Variants in ITM2C observed in about 807,000 individuals in gnomAD.
The protein encoded by ITM2C is integral membrane protein 2C.
In ITM2C, 20 loss-of-function variants were observed where a neutral mutation model predicts 30.0. The observed-to-expected ratio is 0.67, with a 90% CI of 0.47 to 0.97. ITM2C has a LOEUF of 0.97. Ranked by LOEUF, ITM2C falls within the 50% of genes least tolerant of loss-of-function variation. The probability of loss-of-function intolerance (pLI) is 0.00; values close to 1 mark genes in which losing one functional copy is unlikely to be tolerated. For synonymous variants in ITM2C, 167 were observed against 156.4 expected, an observed-to-expected ratio of 1.07 and a Z score of -0.51; for missense variants, 366 against 371.9, an observed-to-expected ratio of 0.98 and a Z score of 0.13.
At position 230,865,134 on chromosome 2, in the gene ITM2C, A is replaced by G; in HGVS notation, c.109A>G (p.Thr37Ala). The G allele has an allele frequency of 6.7e-7, 1 of 1,488,448 alleles. No homozygotes were observed. The allele number at this position is 1,488,448 out of a possible 1,614,324, so 92.2% of individuals were successfully genotyped here. A position where few individuals can be genotyped will look rare whatever the true frequency, so the allele number is the denominator to read the frequency against. The change falls in exon 1 of 6, where the codon ACG becomes GCG. Residue 37 changes from threonine to alanine, a missense_variant. Thr to Ala is a moderately conservative substitution (Grantham distance 58). Transcript: ENST00000326427. The surrounding 1 kb of genome is among the most constrained non-coding windows in gnomAD (Gnocchi z 6.8). The stretch of plus-strand genomic sequence containing the variant: ...GGCCTCGGCCACCGAGATCCTGCTG[A>G]CGCCGGCTAGGGTGAGAGGGTCTGG... Reference protein sequence around the residue: ...APASATEILLTPAREEQPPQH... With the variant: ...APASATEILLAPAREEQPPQH...
rs1467428941 is a variant in ITM2C, at chr2:230,877,641, A to G, written c.712+91A>G. ...CTAGCCCAGCTGTCAGAGAGCTCAG[A>G]TAGCAGCAGCAATAACAGCTAGCAT... On this transcript the variant is annotated intron_variant, in intron 5 of 5. Transcript: ENST00000326427. This position sits in a 1 kb window ranked among gnomAD's most constrained non-coding sequence, Gnocchi z 4.8. 1.9e-5 allele frequency: 26 copies of G among 1,401,362 alleles called. No individual in the cohort carries two copies. Among genetic ancestry groups the G allele is most frequent in the Non-Finnish European group, 2.5e-5 (25 of 1,007,610 alleles). The allele number at this position is 1,401,362 out of a possible 1,614,324, so 86.8% of individuals were successfully genotyped here. A position where few individuals can be genotyped will look rare whatever the true frequency, so the allele number is the denominator to read the frequency against.
chr2:230,874,282 G>T (rs1301825409), intron 2 of ITM2C, among the ~76,000 whole-genome samples: 2 of 152,156 alleles, frequency 1.3e-5, no homozygotes, highest in African/African-American at 4.8e-5. Flanking sequence ...GATGGAAATT[G>T]CTGAAGAGTT....
Position 230,875,809 on chromosome 2 carries a change from G to T in ITM2C, c.450+1G>T. On this transcript the variant is annotated splice_donor_variant, in intron 3 of 5. Transcript: ENST00000326427. LOFTEE classifies it high-confidence loss of function. ...AGACATCATCCATGACTTCCAGCGG[G>T]TGAGGCTGGCCAGGGCCTGGGGGTG... 2 of 1,146,724 alleles carry T rather than the reference G, an allele frequency of 1.7e-6. No homozygotes were observed. The highest frequency in any genetic ancestry group is 1.2e-6 in the Non-Finnish European group (1 of 849,790). The allele number at this position is 1,146,724 out of a possible 1,614,324, so 71.0% of individuals were successfully genotyped here. A position where few individuals can be genotyped will look rare whatever the true frequency, so the allele number is the denominator to read the frequency against.
Position 230,878,349 on chromosome 2 carries a change from C to A in ITM2C, c.*250C>A. ...GATGCTGCAAAGTGTTTTCTGTGTC[C>A]CACTGTCTTGAAGCTGGGCCTGCCA... On this transcript the variant is annotated 3_prime_UTR_variant, in exon 6 of 6. Coordinates refer to ENST00000326427, the MANE Select transcript of ITM2C (RefSeq NM_030926.6). This position sits in a 1 kb window ranked among gnomAD's most constrained non-coding sequence, Gnocchi z 4.5. 1 of 298,462 alleles carries A rather than the reference C, an allele frequency of 3.4e-6. No homozygotes were observed. Among genetic ancestry groups the A allele is most frequent in the Admixed American group, 4.8e-5 (1 of 20,756 alleles). 18.5% of individuals were successfully genotyped at this position (298,462 alleles called of 1,614,324 possible). A position where few individuals can be genotyped will look rare whatever the true frequency, so the allele number is the denominator to read the frequency against.
chr2:230,872,974 C>G (rs73992920), intron 1 of ITM2C, among the ~76,000 whole-genome samples: 260 of 152,296 alleles, frequency 1.7e-3, no homozygotes, highest in African/African-American at 5.8e-3. Context: ...CAGCTCCCAG[C>G]CTGCCTGGTG....
At chr2:230,864,879 G>T, upstream of ITM2C, 8 of 1,023,234 alleles carry the variant, frequency 7.8e-6, no homozygotes, top group South Asian at 1.0e-4. The surrounding 1 kb of genome is among the most constrained non-coding windows in gnomAD (Gnocchi z 4.3). Flanking sequence ...CCGCGGGGAC[G>T]GGGCGGGGAG....
At position 230,873,512 on chromosome 2, in the gene ITM2C, C is replaced by T. The variant is rs187397045; in HGVS notation, c.216C>T (p.Leu72=). ...GCATGGTCGTGCTGCTCATGGGCCT[C>T]GTGTTCGCCTCTGTCTACATCTACA... The part of the protein sequence containing the change: ...SMGMVVLLMG[L]VFASVYIYRY... Residue 72 remains leucine (L), a synonymous_variant, in exon 2 of 6, where the codon CTC becomes CTT. Coordinates refer to ENST00000326427, the MANE Select transcript of ITM2C (RefSeq NM_030926.6). The T allele has an allele frequency of 3.5e-5, 57 of 1,610,854 alleles. No individual in the cohort carries two copies. The highest frequency in any genetic ancestry group is 2.7e-4 in the South Asian group (24 of 90,340).
chr2:230,877,850 C>T lies in ITM2C; in HGVS notation c.713-158C>T, dbSNP rs961409747. The stretch of plus-strand genomic sequence containing the variant: ...GGTGGCAGACATGGGCAGGCTGACT[C>T]CAGCTTTCGAGCTCTCCCCATTTCT... On this transcript the variant is annotated intron_variant, in intron 5 of 5. Coordinates refer to ENST00000326427, the MANE Select transcript of ITM2C (RefSeq NM_030926.6). The surrounding 1 kb of genome is among the most constrained non-coding windows in gnomAD (Gnocchi z 4.8). Among the ~76,000 whole-genome samples, 1 of 152,194 alleles carries T rather than the reference C, an allele frequency of 6.6e-6. No homozygotes were observed. The highest frequency in any genetic ancestry group is 1.5e-5 in the Non-Finnish European group (1 of 68,030).
intron 1 of ITM2C, among the ~76,000 whole-genome samples, chr2:230,869,116 C>G (rs1233245157): frequency 6.6e-6 from 1 of 152,240 alleles, no homozygotes; most frequent in Non-Finnish European, 1.5e-5. Flanking sequence ...TGGCCAGCCC[C>G]TCTGTCCACC....
At chr2:230,873,664 C>T (rs1697223276) in intron 2 of ITM2C, 107 bp downstream of exon 2, 1 of 1,174,396 alleles carries the variant, frequency 8.5e-7, no homozygotes, top group Non-Finnish European at 1.2e-6. Context: ...CAGACATGCC[C>T]TCAGGTGGGA....
In ITM2C at chr2:230,865,108, C is replaced by G. The variant is rs372949270; in HGVS notation, c.83C>G (p.Pro28Arg). The change falls in exon 1 of 6, where the codon CCG (proline) becomes CGG (arginine). Residue 28 changes from proline (P) to arginine (R), a missense_variant. Transcript: ENST00000326427. The surrounding 1 kb of genome is among the most constrained non-coding windows in gnomAD (Gnocchi z 6.8). ...AAGGCGTCGGCGTCGGCCCCTGCGC[C>G]GGCCTCGGCCACCGAGATCCTGCTG... ...ADKASASAPA[P>R]ASATEILLTP... The G allele has an allele frequency of 1.3e-6, 2 of 1,507,962 alleles. No homozygotes were observed. The highest frequency in any genetic ancestry group is 1.8e-6 in the Non-Finnish European group (2 of 1,122,962). 93.4% of individuals were successfully genotyped at this position (1,507,962 alleles called of 1,614,324 possible). A position where few individuals can be genotyped will look rare whatever the true frequency, so the allele number is the denominator to read the frequency against.
intron 2 of ITM2C, 94 bp downstream of exon 2, chr2:230,873,651 C>T (rs1333484362): frequency 4.7e-5 from 60 of 1,277,596 alleles, no homozygotes; most frequent in Non-Finnish European, 6.0e-5. Context: ...CAGCAGGAAG[C>T]CCCAGACATG....
chr2:230,874,941 G>A (rs903535404), intron 2 of ITM2C, among the ~76,000 whole-genome samples: 2 of 152,224 alleles, frequency 1.3e-5, no homozygotes, highest in African/African-American at 4.8e-5. Flanking sequence ...ACAGGGGTCA[G>A]GGATATCCAG....
At chr2:230,867,716 G>T (rs957236885) in intron 1 of ITM2C, among the ~76,000 whole-genome samples, 2 of 148,124 alleles carry the variant, frequency 1.4e-5, no homozygotes, top group Non-Finnish European at 1.5e-5. Flanking sequence ...CTAGAGTTCC[G>T]TGGCACGATC....
chr2:230,867,829 T>C (rs1697066046), intron 1 of ITM2C, among the ~76,000 whole-genome samples: 1 of 151,984 alleles, frequency 6.6e-6, no homozygotes, highest in Admixed American at 6.6e-5. Flanking sequence ...CGGCTAATTT[T>C]TGTATTTTTA....
chr2:230,875,689 CAGAT>C lies in ITM2C; in HGVS notation c.332_335del (p.Gln111ArgfsTer7), dbSNP rs1245665001. On this transcript the variant is annotated frameshift_variant, in exon 3 of 6. Coordinates refer to ENST00000326427, the MANE Select transcript of ITM2C (RefSeq NM_030926.6). LOFTEE classifies it high-confidence loss of function. Reference sequence around the variant, plus strand: ...CTCCCTGTCCTCCCAGGTCCGGACTCAGATGGAGCTGGAAGAGGATGTGAAAATC... The same window carrying C: ...CTCCCTGTCCTCCCAGGTCCGGACTCGGAGCTGGAAGAGGATGTGAAAATC... 1 of 1,613,864 alleles carries C rather than the reference CAGAT, an allele frequency of 6.2e-7. No individual in the cohort carries two copies. Among genetic ancestry groups the C allele is most frequent in the Admixed American group, 1.7e-5 (1 of 59,976 alleles).
intron 1 of ITM2C, among the ~76,000 whole-genome samples, chr2:230,869,713 G>A (rs1318429622): frequency 6.6e-6 from 1 of 152,230 alleles, no homozygotes; most frequent in Non-Finnish European, 1.5e-5. Flanking sequence ...CCTTCCAGCT[G>A]TGGGGGTCTG....
At position 230,877,948 on chromosome 2, in the gene ITM2C, G is replaced by T. The variant is rs1180292484; in HGVS notation, c.713-60G>T. On this transcript the variant is annotated intron_variant, in intron 5 of 5. Coordinates refer to ENST00000326427, the MANE Select transcript of ITM2C (RefSeq NM_030926.6). This position sits in a 1 kb window ranked among gnomAD's most constrained non-coding sequence, Gnocchi z 4.8. The stretch of plus-strand genomic sequence containing the variant: ...CCTCCTGTGGCTCAGGCTGAGGCTG[G>T]TGGTCTTTGTGACTCAGCCAGGATG... 8.1e-6 allele frequency: 11 copies of T among 1,364,102 alleles called. No individual in the cohort carries two copies. Among genetic ancestry groups the T allele is most frequent in the Non-Finnish European group, 1.0e-5 (10 of 954,932 alleles). 84.5% of individuals were successfully genotyped at this position (1,364,102 alleles called of 1,614,324 possible). A position where few individuals can be genotyped will look rare whatever the true frequency, so the allele number is the denominator to read the frequency against.
At chr2:230,872,034 C>T (rs1404532529) in intron 1 of ITM2C, among the ~76,000 whole-genome samples, 1 of 152,228 alleles carries the variant, frequency 6.6e-6, no homozygotes, top group Non-Finnish European at 1.5e-5. Context: ...AAATCTGTTC[C>T]CATCCCAGAA....
Sources: allele counts gnomAD v4.1 joint callset (sites outside exome capture counted in the v4.1 genomes callset), GRCh38; gene constraint gnomAD v4.1.1; non-coding constraint Gnocchi (gnomAD v3.1); transcripts MANE v1.5; gene names NCBI Gene and HGNC (gene_info 2026-07-23, HGNC 2026-07-21).